Variants in TTLL12 observed in about 807,000 individuals in gnomAD.
The protein encoded by TTLL12 is tubulin tyrosine ligase like 12.
Under a neutral mutation model 79.6 loss-of-function variants are expected in TTLL12, and 77 were observed. The observed-to-expected ratio is 0.97, with a 90% CI of 0.81 to 1.17. The LOEUF is 1.17. Among genes scored for constraint, TTLL12 ranks in the 50% most tolerant of loss-of-function variants. The pLI is 0.00. For missense variants in TTLL12, 969 were observed against 895.9 expected, an observed-to-expected ratio of 1.08 and a Z score of -1.04; for synonymous variants, 437 against 376.1, an observed-to-expected ratio of 1.16 and a Z score of -1.87.
chr22:43,180,449 G>A (rs949570857), intron 3 of TTLL12, among the ~76,000 whole-genome samples: 3 of 152,182 alleles, frequency 2.0e-5, no homozygotes, highest in Admixed American at 6.5e-5. Flanking sequence ...GCCAGCAGGG[G>A]TGGGTGAGGA....
chr22:43,179,842 G>A lies in TTLL12; in HGVS notation c.705C>T (p.Gly235=), dbSNP rs762285239. 1.3e-5 allele frequency: 21 copies of A among 1,583,046 alleles called. No individual in the cohort carries two copies. In the Middle Eastern group the frequency reaches 5.0e-4, roughly 38 times the overall value. ...AGGGCGGGCAGGTGCTGGACTTACC[G>A]CCAGTGTCCAGGTCCCTCAGGGGCC... is the stretch of plus-strand genomic sequence containing the variant. The part of the protein sequence containing the change: ...LLWPLRDLDT[G]EEVTRDFAYG... The change falls in exon 4 of 14, where the codon GGC becomes GGT. Residue 235 remains glycine, a splice_region_variant and synonymous_variant. Transcript: ENST00000216129.
In TTLL12 at chr22:43,179,955, C is replaced by G. The variant is rs892975967; in HGVS notation, c.592G>C (p.Gly198Arg). ...ACGTCCGCGTGCTGGATCCGCGAAC[C>G]GAACTCGTCCATGATATACCACACC... ...MPVWYIMDEFGSRIQHADVPS... is the reference protein window; with the variant it reads ...MPVWYIMDEFRSRIQHADVPS... Residue 198 changes from glycine to arginine, a missense_variant, in exon 4 of 14, where the codon GGT (glycine) becomes CGT (arginine). By Grantham distance (125) the Gly-to-Arg change is moderately radical. Transcript: ENST00000216129. 6.2e-7 allele frequency: 1 copy of G among 1,610,046 alleles called. No homozygotes were observed. The highest frequency in any genetic ancestry group is 2.2e-5 in the East Asian group (1 of 44,876).
At chr22:43,176,903 C>T (rs533625925) in intron 5 of TTLL12, among the ~76,000 whole-genome samples, 2 of 152,132 alleles carry the variant, frequency 1.3e-5, no homozygotes, top group East Asian at 3.9e-4. Flanking sequence ...CCTCGGATGC[C>T]GAACAGTCCT....
intron 6 of TTLL12, among the ~76,000 whole-genome samples, chr22:43,175,120 C>T (rs1297895710): frequency 6.6e-6 from 1 of 152,226 alleles, no homozygotes; most frequent in Non-Finnish European, 1.5e-5. Context: ...GGGAGGAAAG[C>T]CCTCAGGCCC....
intron 3 of TTLL12, among the ~76,000 whole-genome samples, chr22:43,180,310 C>T (rs1048863567): frequency 1.3e-5 from 2 of 151,996 alleles, no homozygotes; most frequent in African/African-American, 4.8e-5. Flanking sequence ...TCGGGGGAGT[C>T]GTCTTTGAGC....
chr22:43,174,561 G>GGTGAA lies in TTLL12; in HGVS notation c.967_971dup (p.Leu325SerfsTer34). The GGTGAA allele has an allele frequency of 6.2e-7, 1 of 1,613,456 alleles. No homozygotes were observed. The highest frequency in any genetic ancestry group is 8.5e-7 in the Non-Finnish European group (1 of 1,179,820). ...CGGCGTCCGCCTCACTCTGGGTGAGGGTGAAGCGCGGGTGGGTGAGGCTGC... is the reference window on the plus strand; with the variant it reads ...CGGCGTCCGCCTCACTCTGGGTGAGGGTGAAGTGAAGCGCGGGTGGGTGAGGCTGC... On this transcript the variant is annotated frameshift_variant, in exon 7 of 14. Coordinates refer to ENST00000216129, the MANE Select transcript of TTLL12 (RefSeq NM_015140.4). LOFTEE classifies it high-confidence loss of function.
intron 5 of TTLL12, among the ~76,000 whole-genome samples, chr22:43,177,149 C>A (rs1931936425): frequency 6.6e-6 from 1 of 151,944 alleles, no homozygotes; most frequent in South Asian, 2.1e-4. Context: ...TGGAGGAGTA[C>A]CTGAGCCCAG....
intron 2 of TTLL12, among the ~76,000 whole-genome samples, 185 bp downstream of exon 2, chr22:43,182,795 G>A (rs1381676039): frequency 1.3e-5 from 2 of 152,224 alleles, no homozygotes; most frequent in Non-Finnish European, 2.9e-5. Flanking sequence ...CCCCAGGAAC[G>A]CTGTGTTGCC....
Position 43,169,548 on chromosome 22 carries a change from G to T in TTLL12, c.1596C>A (p.Ile532=). The part of the protein sequence containing the change: ...VLKQVHCEEF[I]PEFEKQYPEF... ...CTGGGTATTGCTTCTCAAACTCGGG[G>T]ATGAACTCTTCACAGTGCACCTGCA... Residue 532 remains isoleucine, a synonymous_variant, in exon 12 of 14, where the codon ATC becomes ATA. Transcript: ENST00000216129. 6.2e-7 allele frequency: 1 copy of T among 1,612,364 alleles called. No individual in the cohort carries two copies.
Sources: gnomAD v4.1 joint callset for allele counts (sites outside exome capture counted in the v4.1 genomes callset) on GRCh38, gnomAD v4.1.1 for gene constraint, MANE v1.5 for transcripts, NCBI Gene and HGNC (gene_info 2026-07-23, HGNC 2026-07-21) for gene names.